The following PIP5K1B variants were observed in gnomAD, a reference collection of about 807,000 sequenced individuals.
The protein encoded by PIP5K1B is phosphatidylinositol 4-phosphate 5-kinase type-1 beta.
PIP5K1B carries 42 observed loss-of-function variants against 67.0 expected under a neutral mutation model. The ratio of observed to expected loss-of-function variants is 0.63; its 90% CI spans 0.49 to 0.81. PIP5K1B has a LOEUF of 0.81. PIP5K1B is among the 30% of genes least tolerant of loss of function. The pLI, the probability that PIP5K1B is intolerant of heterozygous loss-of-function variation, is 0.00. For synonymous variants in PIP5K1B, 214 were observed against 231.4 expected (o/e 0.92, Z 0.68); for missense variants, 459 against 646.3 (o/e 0.71, Z 3.14).
intron 2 of PIP5K1B, chr9:68,781,686 T>C (rs1831291086): frequency 6.0e-6 from 1 of 166,720 alleles, no homozygotes; most frequent in Non-Finnish European, 1.5e-5. Context: ...AATGAGATTT[T>C]AATAGTAATT....
chr9:68,899,768 C>A (rs1450117848), intron 8 of PIP5K1B, among the ~76,000 whole-genome samples: 1 of 152,044 alleles, frequency 6.6e-6, no homozygotes, highest in Non-Finnish European at 1.5e-5. Context: ...TTTTTTCTTT[C>A]CAACTTTTAT....
intron 2 of PIP5K1B, among the ~76,000 whole-genome samples, chr9:68,787,848 G>A (rs909512888): frequency 2.6e-5 from 4 of 152,190 alleles, no homozygotes; most frequent in African/African-American, 7.2e-5. Context: ...GGCCAGGCTG[G>A]TCTCAATCTC....
intron 2 of PIP5K1B, among the ~76,000 whole-genome samples, chr9:68,744,697 GCT>G (rs1829193546): frequency 6.6e-6 from 1 of 152,256 alleles, no homozygotes; most frequent in Non-Finnish European, 1.5e-5. Flanking sequence ...TCATAGGAGA[GCT>G]CTTTTTGTGT....
At chr9:68,860,503 A>C (rs932050526) in intron 4 of PIP5K1B, among the ~76,000 whole-genome samples, 2 of 152,212 alleles carry the variant, frequency 1.3e-5, no homozygotes, top group Non-Finnish European at 2.9e-5. Flanking sequence ...GGAAGAAATA[A>C]AATTTTTACC....
intron 14 of PIP5K1B, among the ~76,000 whole-genome samples, chr9:68,944,014 T>G (rs982550836): frequency 6.6e-6 from 1 of 152,212 alleles, no homozygotes; most frequent in Non-Finnish European, 1.5e-5. Context: ...CATTCTTTTT[T>G]TAATGTACTC....
At chr9:68,710,030 A>G (rs1033037890) in intron 1 of PIP5K1B, among the ~76,000 whole-genome samples, 4 of 152,256 alleles carry the variant, frequency 2.6e-5, no homozygotes, top group African/African-American at 9.6e-5. Context: ...AAATATGTAT[A>G]CATTCAATTT....
At chr9:68,902,685 A>T (rs779314141) in intron 8 of PIP5K1B, among the ~76,000 whole-genome samples, 2 of 152,228 alleles carry the variant, frequency 1.3e-5, no homozygotes, top group Non-Finnish European at 1.5e-5. Flanking sequence ...AGAAACTGCC[A>T]TACTCTTTTC....
At chr9:68,884,711 A>G (rs1446036826) in intron 6 of PIP5K1B, among the ~76,000 whole-genome samples, 1 of 152,046 alleles carries the variant, frequency 6.6e-6, no homozygotes, top group African/African-American at 2.4e-5. Flanking sequence ...TAGATACATT[A>G]AAAAATGGTC....
intron 2 of PIP5K1B, among the ~76,000 whole-genome samples, chr9:68,801,934 C>G (rs562894622): frequency 1.3e-5 from 2 of 152,310 alleles, no homozygotes; most frequent in South Asian, 4.1e-4. Flanking sequence ...AGTGTGTTAC[C>G]ATCACAGAAA....
chr9:68,821,456 A>T (rs1397314195), intron 3 of PIP5K1B, among the ~76,000 whole-genome samples: 1 of 152,248 alleles, frequency 6.6e-6, no homozygotes, highest in East Asian at 1.9e-4. Context: ...ACAAAGAACT[A>T]AAACTGATGT....
At chr9:68,967,262 C>T (rs2132795323) in intron 14 of PIP5K1B, among the ~76,000 whole-genome samples, 1 of 152,288 alleles carries the variant, frequency 6.6e-6, no homozygotes, top group African/African-American at 2.4e-5. Context: ...TAAATGATCT[C>T]TCATAACAGA....
intron 2 of PIP5K1B, among the ~76,000 whole-genome samples, chr9:68,763,233 A>G (rs1830266400): frequency 1.3e-5 from 2 of 152,262 alleles, no homozygotes; most frequent in Middle Eastern, 6.8e-3. Flanking sequence ...GAAAAGAGGT[A>G]TGCAAAAGCA....
At chr9:68,733,283 T>TTGCCTGTTCCACA (rs1240254278) in intron 1 of PIP5K1B, among the ~76,000 whole-genome samples, 1 of 152,158 alleles carries the variant, frequency 6.6e-6, no homozygotes, top group Non-Finnish European at 1.5e-5. Context: ...GGTTAATCTC[T>TTGCCTGTTCCACA]TGCCTGTTCC....
At chr9:68,719,446 C>T (rs1256333328) in intron 1 of PIP5K1B, among the ~76,000 whole-genome samples, 1 of 152,166 alleles carries the variant, frequency 6.6e-6, no homozygotes, top group Non-Finnish European at 1.5e-5. Flanking sequence ...AACAAGGAAG[C>T]TGAATACTGA....
At chr9:68,960,653 A>G (rs1828671926) in intron 14 of PIP5K1B, among the ~76,000 whole-genome samples, 1 of 152,020 alleles carries the variant, frequency 6.6e-6, no homozygotes, top group African/African-American at 2.4e-5. Flanking sequence ...AATTCAATCA[A>G]TTCTACTGTT....
intron 1 of PIP5K1B, 34 bp from the exon 2 acceptor site, chr9:68,742,467 G>A (rs1829059741): frequency 6.6e-6 from 1 of 152,170 alleles, no homozygotes; most frequent in Non-Finnish European, 1.5e-5. Context: ...CACCATGATT[G>A]TTTGAGGTAG....
intron 8 of PIP5K1B, among the ~76,000 whole-genome samples, chr9:68,916,248 G>A (rs1826086245): frequency 6.6e-6 from 1 of 152,098 alleles, no homozygotes; most frequent in African/African-American, 2.4e-5. Context: ...ATCATATACA[G>A]ACTAGTAGAA....
intron 14 of PIP5K1B, among the ~76,000 whole-genome samples, chr9:68,957,724 CCT>C (rs1828475529): frequency 6.6e-6 from 1 of 152,152 alleles, no homozygotes; most frequent in Non-Finnish European, 1.5e-5. Context: ...ATATTTCCTT[CCT>C]CCAGTTATAG....
At chr9:68,783,607 T>A (rs1461518703) in intron 2 of PIP5K1B, 1 of 166,962 alleles carries the variant, frequency 6.0e-6, no homozygotes, top group East Asian at 1.9e-4. Context: ...AACCAACATG[T>A]CATTGACACC....
Sources: allele counts gnomAD v4.1 joint callset (sites outside exome capture counted in the v4.1 genomes callset), GRCh38; gene constraint gnomAD v4.1.1; transcripts MANE v1.5; gene names NCBI Gene and HGNC (gene_info 2026-07-23, HGNC 2026-07-21).